The following GCA variants were observed in gnomAD, a reference collection of about 807,000 sequenced individuals.
The protein encoded by GCA is grancalcin, EF-hand calcium-binding protein.
Under a neutral mutation model 32.6 loss-of-function variants are expected in GCA, and 30 were observed. That is an observed-to-expected ratio of 0.92 (90% confidence interval 0.69 to 1.25). The LOEUF (loss-of-function observed/expected upper bound fraction) is 1.25. Among genes scored for constraint, GCA ranks in the 50% most tolerant of loss-of-function variants. The pLI is 0.00. For missense variants in GCA, 291 were observed against 266.8 expected, an observed-to-expected ratio of 1.09 and a Z score of -0.63; for synonymous variants, 102 against 84.6, an observed-to-expected ratio of 1.21 and a Z score of -1.13.
upstream of GCA, among the ~76,000 whole-genome samples, chr2:162,340,117 C>T (rs1234954689): frequency 6.6e-6 from 1 of 152,130 alleles, no homozygotes; most frequent in East Asian, 1.9e-4. Context: ...GAGGAATCCT[C>T]CCTCTCTAAA....
At chr2:162,371,044 T>C (rs1158741551) in intron 4 of GCA, among the ~76,000 whole-genome samples, 2 of 152,108 alleles carry the variant, frequency 1.3e-5, no homozygotes, top group Non-Finnish European at 2.9e-5. Context: ...CAGTTTGTGT[T>C]AATCACAGTT....
At chr2:162,373,675 CAGA>C (rs1325639664), downstream of GCA, 10 of 1,441,234 alleles carry the variant, frequency 6.9e-6, no homozygotes, top group African/African-American at 1.3e-4. Context: ...ACAGAACAGA[CAGA>C]AGTAGGAAAA....
intron 1 of GCA, among the ~76,000 whole-genome samples, chr2:162,329,760 G>A (rs544387309): frequency 2.0e-5 from 3 of 152,078 alleles, no homozygotes; most frequent in Non-Finnish European, 4.4e-5. Context: ...GGGGTTTGTT[G>A]TACAGATTAT....
downstream of GCA, among the ~76,000 whole-genome samples, chr2:162,374,100 T>G (rs970388576): frequency 6.6e-6 from 1 of 152,252 alleles, no homozygotes; most frequent in Non-Finnish European, 1.5e-5. Flanking sequence ...TAATTTCTTA[T>G]GTGTTTTTAC....
chr2:162,332,235 G>A (rs1684114318), intron 1 of GCA, among the ~76,000 whole-genome samples: 1 of 149,772 alleles, frequency 6.7e-6, no homozygotes, highest in Non-Finnish European at 1.5e-5. Flanking sequence ...CATGAACCCA[G>A]GAGGCGGAGC....
At chr2:162,338,870 C>G (rs1245591868) in intron 1 of GCA, among the ~76,000 whole-genome samples, 1 of 152,128 alleles carries the variant, frequency 6.6e-6, no homozygotes, top group Non-Finnish European at 1.5e-5. Context: ...GCTTAATAGA[C>G]TTAATAATCA....
rs770647188 is a variant in GCA at position 162,338,237 on chromosome 2, A to AG, written c.-30-9335dup. The stretch of plus-strand genomic sequence containing the variant: ...CACCAATAATTGTACATAAATATGA[A>AG]GGGGGGCACTCTTATTTTACACATA... On this transcript the variant is annotated intron_variant, in intron 1 of 4. Transcript: ENST00000429691. Among the ~76,000 whole-genome samples, 102 of 152,296 alleles carry AG rather than the reference A, an allele frequency of 6.7e-4. 1 individual carries two copies. The Middle Eastern group carries it at 0.037, about 56-fold the overall frequency.
intron 1 of GCA, among the ~76,000 whole-genome samples, chr2:162,344,829 C>T (rs1684602404): frequency 6.6e-6 from 1 of 152,078 alleles, no homozygotes; most frequent in South Asian, 2.1e-4. Context: ...TTGGGAGTTG[C>T]AAGTTATAAT....
downstream of GCA, among the ~76,000 whole-genome samples, chr2:162,366,255 C>T (rs145837873): frequency 6.2e-4 from 94 of 151,766 alleles, no homozygotes; most frequent in Non-Finnish European, 1.2e-3. Flanking sequence ...ATTTTACTGG[C>T]AGTATTTCTT....
intron 1 of GCA, chr2:162,344,583 A>C: frequency 4.2e-6 from 2 of 477,476 alleles, no homozygotes; most frequent in South Asian, 3.2e-5. Context: ...TTCTTGTTCC[A>C]GTAATCGTTT....
upstream of GCA, among the ~76,000 whole-genome samples, chr2:162,340,136 C>A (rs560344044): frequency 6.2e-4 from 95 of 152,110 alleles, 1 homozygote; most frequent in Non-Finnish European, 1.2e-3. Context: ...AAAATAAATT[C>A]TTTGCCACTT....
At chr2:162,339,045 T>C (rs1430198974) in intron 1 of GCA, among the ~76,000 whole-genome samples, 1 of 152,204 alleles carries the variant, frequency 6.6e-6, no homozygotes, top group Non-Finnish European at 1.5e-5. Flanking sequence ...AACTGTGTTA[T>C]TGAGAGCTTA....
chr2:162,321,047 T>C (rs1471756664), intron 1 of GCA, among the ~76,000 whole-genome samples: 1 of 152,188 alleles, frequency 6.6e-6, no homozygotes, highest in Non-Finnish European at 1.5e-5. Context: ...TAGGTGTGGG[T>C]GGAAGGGACT....
chr2:162,322,391 T>G (rs1469889789), intron 1 of GCA, among the ~76,000 whole-genome samples: 1 of 140,362 alleles, frequency 7.1e-6, no homozygotes, highest in Non-Finnish European at 1.5e-5. Flanking sequence ...TTTACTTTAT[T>G]TATTTATTTA....
At chr2:162,340,305 A>G (rs1398060966), upstream of GCA, among the ~76,000 whole-genome samples, 2 of 152,184 alleles carry the variant, frequency 1.3e-5, no homozygotes, top group African/African-American at 2.4e-5. Context: ...AACATCTCCA[A>G]TATTAATTCT....
chr2:162,371,834 T>C (rs746917781), downstream of GCA: 1 of 1,607,502 alleles, frequency 6.2e-7, no homozygotes, highest in South Asian at 1.1e-5. Context: ...AATGATTATT[T>C]CCCTGGAAGA....
chr2:162,320,685 A>T (rs1683631057), intron 1 of GCA, among the ~76,000 whole-genome samples: 1 of 152,236 alleles, frequency 6.6e-6, no homozygotes, highest in Non-Finnish European at 1.5e-5. Context: ...TCATTGTATC[A>T]TCTAGTCATT....
intron 3 of GCA, among the ~76,000 whole-genome samples, chr2:162,356,098 C>G (rs77591773): frequency 2.5e-4 from 38 of 152,010 alleles, no homozygotes; most frequent in Non-Finnish European, 3.8e-4. Flanking sequence ...TTTAACTCCA[C>G]TTGTCATTTG....
chr2:162,345,249 T>A (rs1156421704), intron 1 of GCA, among the ~76,000 whole-genome samples: 1 of 152,148 alleles, frequency 6.6e-6, no homozygotes, highest in Non-Finnish European at 1.5e-5. Context: ...CTCAATCCCC[T>A]CTGGCACCGT....
Sources: gnomAD v4.1 joint callset for allele counts (sites outside exome capture counted in the v4.1 genomes callset) on GRCh38, gnomAD v4.1.1 for gene constraint, MANE v1.5 for transcripts, NCBI Gene and HGNC (gene_info 2026-07-23, HGNC 2026-07-21) for gene names.